Variants in SLC6A5 observed in about 807,000 individuals in gnomAD.
The protein encoded by SLC6A5 is sodium- and chloride-dependent glycine transporter 2.
In SLC6A5, 58 loss-of-function variants were observed where a neutral mutation model predicts 90.5. The observed-to-expected ratio is 0.64, with a 90% CI of 0.52 to 0.80. The LOEUF is 0.80. Among genes scored for constraint, SLC6A5 ranks in the 30% least tolerant of loss-of-function variants. The pLI is 0.00. For synonymous variants in SLC6A5, 427 were observed against 401.4 expected, an observed-to-expected ratio of 1.06 and a Z score of -0.76; for missense variants, 1,015 against 1,017.6, an observed-to-expected ratio of 1.00 and a Z score of 0.03.
In SLC6A5 at chr11:20,609,468, G is replaced by A. The variant is rs187782170; in HGVS notation, c.985+1816G>A. Among the ~76,000 whole-genome samples the A allele has an allele frequency of 6.6e-5, 10 of 152,152 alleles. No homozygotes were observed. In the East Asian group the frequency reaches 1.9e-3, roughly 29 times the overall value. On this transcript the variant is annotated intron_variant, in intron 5 of 15. Coordinates refer to ENST00000525748, the MANE Select transcript of SLC6A5 (RefSeq NM_004211.5). ...GGGTGACTTAGAAAAGTTGATGGTG[G>A]CCTGACTTGCAGAGCCCCACTGCTC... is the stretch of plus-strand genomic sequence containing the variant.
rs531925068 is a variant in SLC6A5 at position 20,624,521 on chromosome 11, C to T, written c.1261-2187C>T. On this transcript the variant is annotated intron_variant, in intron 7 of 15. Transcript: ENST00000525748. ...ATCTCCCCCTGTGAGTCCTTGAATC[C>T]GTCCTCATCTCCTGAAATCCCACTC... 6.6e-5 allele frequency among the ~76,000 whole-genome samples: 10 copies of T among 152,116 alleles called. No homozygotes were observed. In the South Asian group the frequency reaches 8.3e-4, roughly 13 times the overall value.
intron 5 of SLC6A5, among the ~76,000 whole-genome samples, chr11:20,610,733 G>A (rs1041270711): frequency 5.3e-5 from 8 of 152,302 alleles, no homozygotes; most frequent in Middle Eastern, 3.4e-3. Context: ...ACTTTGAATA[G>A]GAAGATATTT....
chr11:20,603,959 G>A (rs1162801310), intron 2 of SLC6A5, among the ~76,000 whole-genome samples: 1 of 152,024 alleles, frequency 6.6e-6, no homozygotes, highest in Non-Finnish European at 1.5e-5. Flanking sequence ...TCACCTTACA[G>A]GTTCAAGGTT....
chr11:20,630,710 T>C lies in SLC6A5; in HGVS notation c.1519T>C (p.Cys507Arg). ...NCYRDTLIVT[C>R]TNSATSIFAG... ...TTCCAGGGACACTCTAATTGTCACC[T>C]GCACCAACAGTGCCACAAGCATCTT... The change falls in exon 10 of 16, where the codon TGC (cysteine) becomes CGC (arginine). Residue 507 changes from cysteine to arginine, a missense_variant. By Grantham distance (180) the Cys-to-Arg change is radical (BLOSUM62 -3). Coordinates refer to ENST00000525748, the MANE Select transcript of SLC6A5 (RefSeq NM_004211.5). 1 of 1,614,276 alleles carries C rather than the reference T, an allele frequency of 6.2e-7. No individual in the cohort carries two copies. Among genetic ancestry groups the C allele is most frequent in the Non-Finnish European group, 8.5e-7 (1 of 1,180,038 alleles).
chr11:20,639,302 G>A (rs191575629), intron 13 of SLC6A5, among the ~76,000 whole-genome samples: 2 of 152,086 alleles, frequency 1.3e-5, no homozygotes, highest in East Asian at 3.9e-4. Flanking sequence ...CTTTCTGCTT[G>A]GAAGCCTGCT....
chr11:20,607,582 A>C lies in SLC6A5; in HGVS notation c.915A>C (p.Val305=). 1 of 1,614,152 alleles carries C rather than the reference A, an allele frequency of 6.2e-7. No individual in the cohort carries two copies. Among genetic ancestry groups the C allele is most frequent in the Non-Finnish European group, 8.5e-7 (1 of 1,179,980 alleles). The part of the protein sequence containing the change: ...LFYLFASFVS[V]LPWGSCNNPW... ...ACCTGTTTGCCTCCTTTGTGTCTGT[A>C]CTACCCTGGGGCTCCTGCAACAACC... The change falls in exon 5 of 16, where the codon GTA becomes GTC. Residue 305 remains valine (V), a synonymous_variant. Coordinates refer to ENST00000525748, the MANE Select transcript of SLC6A5 (RefSeq NM_004211.5).
rs551933034 is a variant in SLC6A5, at chr11:20,617,676, G to A, written c.1128-76G>A. The A allele has an allele frequency of 3.0e-6, 4 of 1,349,440 alleles. No individual in the cohort carries two copies. In the South Asian group the frequency reaches 3.5e-5, roughly 12 times the overall value. The allele number at this position is 1,349,440 out of a possible 1,614,324, so 83.6% of individuals were successfully genotyped here. A position where few individuals can be genotyped will look rare whatever the true frequency, so the allele number is the denominator to read the frequency against. On this transcript the variant is annotated intron_variant, in intron 6 of 15. Transcript: ENST00000525748. Reference sequence around the variant, plus strand: ...TGCAAGCCTCCTGGCTCTACTGGAGGCTTAAAGCCTACTGCCTGTCACCTC... The same window carrying A: ...TGCAAGCCTCCTGGCTCTACTGGAGACTTAAAGCCTACTGCCTGTCACCTC...
intron 1 of SLC6A5, among the ~76,000 whole-genome samples, chr11:20,600,598 G>T (rs1852451392): frequency 6.6e-6 from 1 of 152,154 alleles, no homozygotes; most frequent in Admixed American, 6.5e-5. Flanking sequence ...GCTACCTGGC[G>T]GGAGGAGGTG....
chr11:20,604,449 C>T, intron 3 of SLC6A5, 25 bp downstream of exon 3: 3 of 1,611,160 alleles, frequency 1.9e-6, no homozygotes, highest in Non-Finnish European at 2.5e-6. Context: ...CTCTTTCCGC[C>T]TGCGGCGGGG....
At chr11:20,616,907 G>A (rs1400866673) in intron 6 of SLC6A5, among the ~76,000 whole-genome samples, 1 of 152,232 alleles carries the variant, frequency 6.6e-6, no homozygotes, top group Non-Finnish European at 1.5e-5. Flanking sequence ...ATGCTGGCTT[G>A]CCTTTCCTTT....
rs767630532 is a variant in SLC6A5 at position 20,652,402 on chromosome 11, G to A, written c.2184G>A (p.Trp728Ter). 6.2e-7 allele frequency: 1 copy of A among 1,614,042 alleles called. No individual in the cohort carries two copies. Among genetic ancestry groups the A allele is most frequent in the Admixed American group, 1.7e-5 (1 of 60,016 alleles). ...TAATGCTCGCCTGTTCCGTCATCTGGATCCCAATTATGTTTGTGATAAAAA... is the reference window on the plus strand; with the variant it reads ...TAATGCTCGCCTGTTCCGTCATCTGAATCCCAATTATGTTTGTGATAAAAA... ...GWLMLACSVIWIPIMFVIKMH... is the reference protein window; with the variant it reads ...GWLMLACSVI The change falls in exon 15 of 16, where the codon TGG becomes TGA. Residue 728 changes from tryptophan to a stop codon, truncating the protein, a stop_gained. Transcript: ENST00000525748. LOFTEE classifies it high-confidence loss of function.
intron 14 of SLC6A5, among the ~76,000 whole-genome samples, chr11:20,651,601 A>G (rs141751768): frequency 1.4e-3 from 212 of 151,302 alleles, no homozygotes; most frequent in African/African-American, 5.0e-3. Flanking sequence ...CAAAAGCTTG[A>G]TTATTACCCC....
chr11:20,658,924 T>A lies in SLC6A5; in HGVS notation c.*4056T>A, dbSNP rs1299253565. 1 of 152,152 alleles carries A rather than the reference T, an allele frequency of 6.6e-6. No homozygotes were observed. Among genetic ancestry groups the A allele is most frequent in the East Asian group, 1.9e-4 (1 of 5,198 alleles). 9.4% of individuals were successfully genotyped at this position (152,152 alleles called of 1,614,324 possible). ...TTAATTCTTACATTGTGTACTTGGC[T>A]AATGTCCTAAATGCAGGCATCTTTT... On this transcript the variant is annotated 3_prime_UTR_variant, in exon 16 of 16. Coordinates refer to ENST00000525748, the MANE Select transcript of SLC6A5 (RefSeq NM_004211.5).
At position 20,655,349 on chromosome 11, in the gene SLC6A5, A is replaced by G. The variant is rs1360978350; in HGVS notation, c.*481A>G. ...AGGTTTTTTTTTTTTTCAGAGAGTT[A>G]GCAGTGGTCAGAAAATGTTTTGGAT... On this transcript the variant is annotated 3_prime_UTR_variant, in exon 16 of 16. Coordinates refer to ENST00000525748, the MANE Select transcript of SLC6A5 (RefSeq NM_004211.5). 9.7e-6 allele frequency: 2 copies of G among 206,348 alleles called. No individual in the cohort carries two copies. The highest frequency in any genetic ancestry group is 2.0e-5 in the Non-Finnish European group (2 of 100,342). 12.8% of individuals were successfully genotyped at this position (206,348 alleles called of 1,614,324 possible).
At chr11:20,600,392 AGAAGAAG>A (rs1281161065) in intron 1 of SLC6A5, among the ~76,000 whole-genome samples, 24 of 146,804 alleles carry the variant, frequency 1.6e-4, no homozygotes, top group African/African-American at 5.8e-4. Flanking sequence ...AAGAAGAAGA[AGAAGAAG>A]AAGAAGAAGA....
Position 20,614,698 on chromosome 11 carries a change from C to G in SLC6A5, c.1005C>G (p.Asp335Glu). ...AAACAGATTCCTGTGTTATCAGTGA[C>G]CATCCCAAAATACAGATCAAGAACT... The part of the protein sequence containing the change: ...KLLLDSCVIS[D>E]HPKIQIKNST... The change falls in exon 6 of 16, where the codon GAC becomes GAG. Residue 335 changes from aspartate to glutamate, a missense_variant. Around this residue, in one of 3 missense-constraint regions of SLC6A5, gnomAD observed 567 missense variants for 507.3 expected, o/e 1.12. Coordinates refer to ENST00000525748, the MANE Select transcript of SLC6A5 (RefSeq NM_004211.5). 1 of 1,613,874 alleles carries G rather than the reference C, an allele frequency of 6.2e-7. No homozygotes were observed.
chr11:20,655,657 G>T lies in SLC6A5; in HGVS notation c.*789G>T, dbSNP rs1256064796. On this transcript the variant is annotated 3_prime_UTR_variant, in exon 16 of 16. Coordinates refer to ENST00000525748, the MANE Select transcript of SLC6A5 (RefSeq NM_004211.5). Reference sequence around the variant, plus strand: ...TTGTGCCTCATTTTGTACGTTCATAGTAGAGCTCCATGCTCATTTCTACAT... The same window carrying T: ...TTGTGCCTCATTTTGTACGTTCATATTAGAGCTCCATGCTCATTTCTACAT... The T allele has an allele frequency of 7.9e-5, 12 of 152,320 alleles. No individual in the cohort carries two copies. The highest frequency in any genetic ancestry group is 1.8e-4 in the Non-Finnish European group (12 of 68,192). The allele number at this position is 152,320 out of a possible 1,614,324, so 9.4% of individuals were successfully genotyped here. A position where few individuals can be genotyped will look rare whatever the true frequency, so the allele number is the denominator to read the frequency against.
At chr11:20,621,010 C>T (rs1180496909) in intron 7 of SLC6A5, among the ~76,000 whole-genome samples, 1 of 152,050 alleles carries the variant, frequency 6.6e-6, no homozygotes. Context: ...ACCGTGTTGG[C>T]CAGGCTAGTC....
At chr11:20,618,940 C>T (rs12798953) in intron 7 of SLC6A5, among the ~76,000 whole-genome samples, 26,156 of 115,716 alleles carry the variant, frequency 0.23, 2,554 homozygotes, top group Middle Eastern at 0.27. Flanking sequence ...GATCCTGTCC[C>T]GCCCGACACA....
Sources: gnomAD v4.1 joint callset for allele counts (sites outside exome capture counted in the v4.1 genomes callset) on GRCh38, gnomAD v4.1.1 for gene constraint, gnomAD v4.1.1 regional missense constraint, MANE v1.5 for transcripts, NCBI Gene and HGNC (gene_info 2026-07-23, HGNC 2026-07-21) for gene names.